The following AFG2A variants were observed in gnomAD, a reference collection of about 807,000 sequenced individuals.
AFG2A encodes the protein AAA ATPase AFG2A.
chr4:123,064,888 T>C, the AFG2A span, among the ~76,000 whole-genome samples: 1 of 152,168 alleles, frequency 6.6e-6, no homozygotes, highest in Non-Finnish European at 1.5e-5. Flanking sequence ...GTGACTCCTT[T>C]TGTTTGGACC....
chr4:123,300,991 C>T, the AFG2A span, among the ~76,000 whole-genome samples: 1 of 152,094 alleles, frequency 6.6e-6, no homozygotes, highest in Non-Finnish European at 1.5e-5. Context: ...TGGCCTAAGT[C>T]ATCTGGAAAG....
the AFG2A span, among the ~76,000 whole-genome samples, chr4:122,964,333 G>T: frequency 6.6e-6 from 1 of 151,690 alleles, no homozygotes; most frequent in Non-Finnish European, 1.5e-5. Context: ...GTGAAACCCC[G>T]TCTCTACTAA....
the AFG2A span, among the ~76,000 whole-genome samples, chr4:123,309,093 G>A: frequency 1.3e-5 from 2 of 152,168 alleles, no homozygotes; most frequent in Admixed American, 1.3e-4. Flanking sequence ...TGATTGAGTT[G>A]TTTGGTATCT....
chr4:123,123,923 G>A, the AFG2A span, among the ~76,000 whole-genome samples: 1 of 132,584 alleles, frequency 7.5e-6, no homozygotes, highest in African/African-American at 2.9e-5. Flanking sequence ...CTGCACTCCA[G>A]CCTGGGCGAC....
chr4:123,108,876 A>T, the AFG2A span, among the ~76,000 whole-genome samples: 4 of 151,956 alleles, frequency 2.6e-5, no homozygotes, highest in East Asian at 3.9e-4. Flanking sequence ...ATTTTTTTTT[A>T]AATATGTGTG....
At chr4:123,047,733 C>A in the AFG2A span, among the ~76,000 whole-genome samples, 1 of 150,718 alleles carries the variant, frequency 6.6e-6, no homozygotes, top group Non-Finnish European at 1.5e-5. Flanking sequence ...GACAGGGTCT[C>A]ACTCTGTCAC....
At chr4:123,247,256 T>G in the AFG2A span, among the ~76,000 whole-genome samples, 1 of 140,848 alleles carries the variant, frequency 7.1e-6, no homozygotes, top group Non-Finnish European at 1.6e-5. Flanking sequence ...TCACTACTAC[T>G]AATACTAACA....
chr4:123,119,904 G>A, the AFG2A span, among the ~76,000 whole-genome samples: 77 of 152,248 alleles, frequency 5.1e-4, no homozygotes, highest in East Asian at 0.014. Flanking sequence ...TCTTCACAGG[G>A]CTGAAGAGAG....
chr4:123,058,749 G>C, the AFG2A span, among the ~76,000 whole-genome samples: 1 of 151,614 alleles, frequency 6.6e-6, no homozygotes. Flanking sequence ...ACAACATGTG[G>C]GAATTATGGG....
At chr4:123,286,750 T>G in the AFG2A span, among the ~76,000 whole-genome samples, 51 of 152,030 alleles carry the variant, frequency 3.4e-4, no homozygotes, top group Non-Finnish European at 5.3e-4. Flanking sequence ...GTAGATTAGG[T>G]TCTGCTGTGG....
At chr4:123,044,223 A>C in the AFG2A span, among the ~76,000 whole-genome samples, 2 of 152,178 alleles carry the variant, frequency 1.3e-5, no homozygotes, top group Non-Finnish European at 2.9e-5. Context: ...TTAATTTTTC[A>C]GTCAGAATTG....
At chr4:123,270,495 A>G in the AFG2A span, among the ~76,000 whole-genome samples, 3 of 152,226 alleles carry the variant, frequency 2.0e-5, no homozygotes, top group South Asian at 6.2e-4. Context: ...TAATGAAGAA[A>G]TAGCTATAAA....
chr4:123,174,844 AT>A, the AFG2A span, among the ~76,000 whole-genome samples: 1 of 151,086 alleles, frequency 6.6e-6, no homozygotes, highest in African/African-American at 2.4e-5. Context: ...TATATATATT[AT>A]TTTGAGACAC....
the AFG2A span, among the ~76,000 whole-genome samples, chr4:122,945,238 G>A: frequency 7.9e-5 from 12 of 152,370 alleles, no homozygotes; most frequent in African/African-American, 2.6e-4. Context: ...CCTGCCCCCA[G>A]AGGTGGAGCC....
the AFG2A span, among the ~76,000 whole-genome samples, chr4:123,190,245 A>C: frequency 6.6e-6 from 1 of 152,206 alleles, no homozygotes; most frequent in African/African-American, 2.4e-5. Flanking sequence ...CATTGTATGC[A>C]CCACGGTAGC....
the AFG2A span, among the ~76,000 whole-genome samples, chr4:122,982,431 G>T: frequency 6.6e-6 from 1 of 152,184 alleles, no homozygotes; most frequent in Non-Finnish European, 1.5e-5. Flanking sequence ...TTCCATCTAT[G>T]TTCACCAAGG....
the AFG2A span, among the ~76,000 whole-genome samples, chr4:123,245,813 C>G: frequency 6.6e-6 from 1 of 152,160 alleles, no homozygotes; most frequent in Non-Finnish European, 1.5e-5. Flanking sequence ...AACATGTTGA[C>G]ATACAGAAAT....
chr4:122,969,133 A>G, the AFG2A span, among the ~76,000 whole-genome samples: 2 of 151,592 alleles, frequency 1.3e-5, no homozygotes, highest in African/African-American at 2.4e-5. Context: ...ATTATAATAT[A>G]TATTGATATA....
At chr4:123,002,962 C>G in the AFG2A span, among the ~76,000 whole-genome samples, 1 of 152,184 alleles carries the variant, frequency 6.6e-6, no homozygotes, top group South Asian at 2.1e-4. Flanking sequence ...CAGATTTGGT[C>G]TTTTCACATA....
Sources: allele counts gnomAD v4.1 joint callset (sites outside exome capture counted in the v4.1 genomes callset), GRCh38; gene constraint gnomAD v4.1.1; transcripts MANE v1.5; gene names NCBI Gene and HGNC (gene_info 2026-07-23, HGNC 2026-07-21).